AGBL3: variants seen among roughly 807,000 people sequenced by gnomAD.
AGBL3 encodes the protein cytosolic carboxypeptidase 3.
Under a neutral mutation model 94.5 loss-of-function variants are expected in AGBL3, and 68 were observed. The observed-to-expected ratio is 0.72, with a 90% CI of 0.59 to 0.88. The LOEUF is 0.88. Among genes scored for constraint, AGBL3 ranks in the 40% least tolerant of loss-of-function variants. The pLI, the probability that AGBL3 is intolerant of heterozygous loss-of-function variation, is 0.00. For missense variants in AGBL3, 934 were observed against 1,103.8 expected, an observed-to-expected ratio of 0.85 and a Z score of 2.18; for synonymous variants, 354 against 370.7, an observed-to-expected ratio of 0.95 and a Z score of 0.52.
intron 11 of AGBL3, among the ~76,000 whole-genome samples, chr7:135,056,902 G>C (rs928676652): frequency 1.3e-5 from 2 of 152,026 alleles, no homozygotes; most frequent in Admixed American, 1.3e-4. Context: ...ATTTGTGTGG[G>C]TATGTAAAAG....
intron 16 of AGBL3, among the ~76,000 whole-genome samples, chr7:135,120,323 T>C (rs1826964683): frequency 6.6e-6 from 1 of 152,212 alleles, no homozygotes; most frequent in Non-Finnish European, 1.5e-5. Context: ...CCACTATAAA[T>C]GTGAGAAGGT....
chr7:135,094,365 TGA>T (rs780210062), intron 15 of AGBL3: 18 of 456,702 alleles, frequency 3.9e-5, no homozygotes, highest in South Asian at 2.8e-4. Context: ...GAGTCACTGC[TGA>T]GATCTGCTTG....
At chr7:134,995,385 C>T (rs4442075) in intron 4 of AGBL3, 141,874 of 152,270 alleles carry the variant, frequency 0.93, 66,882 homozygotes, top group East Asian at 1. Context: ...ACACCTTTCT[C>T]TTCCTTAAAT....
At chr7:135,077,982 T>C (rs1247024637) in intron 13 of AGBL3, among the ~76,000 whole-genome samples, 2 of 152,116 alleles carry the variant, frequency 1.3e-5, no homozygotes, top group Non-Finnish European at 2.9e-5. Flanking sequence ...GGTGGAGCCC[T>C]CTCCTGCCCA....
intron 1 of AGBL3, 50 bp downstream of exon 1, chr7:134,986,751 G>A (rs111677203): frequency 8.5e-5 from 13 of 152,486 alleles, no homozygotes; most frequent in African/African-American, 3.1e-4. Flanking sequence ...AGCGCGCCCC[G>A]GAAAATGAGC....
At chr7:135,058,536 A>T (rs1818534225) in intron 11 of AGBL3, among the ~76,000 whole-genome samples, 1 of 152,162 alleles carries the variant, frequency 6.6e-6, no homozygotes, top group Non-Finnish European at 1.5e-5. Context: ...TATAGCATTT[A>T]TTCATTAACA....
At chr7:135,113,740 A>T (rs1424645378) in intron 15 of AGBL3, among the ~76,000 whole-genome samples, 2 of 152,218 alleles carry the variant, frequency 1.3e-5, no homozygotes, top group Non-Finnish European at 2.9e-5. Flanking sequence ...GTACAGTCGC[A>T]TTGTGGTGCA....
At chr7:135,040,886 C>CACAG (rs759597978) in intron 8 of AGBL3, among the ~76,000 whole-genome samples, 274 of 3,512 alleles carry the variant, frequency 0.078, 1 homozygote, top group Middle Eastern at 0.33. Flanking sequence ...ACACACACAC[C>CACAG]ACACACACAC....
At chr7:135,060,416 A>C (rs1818723912) in intron 12 of AGBL3, among the ~76,000 whole-genome samples, 1 of 152,168 alleles carries the variant, frequency 6.6e-6, no homozygotes, top group Non-Finnish European at 1.5e-5. Context: ...GAAAACACTT[A>C]AAATCTATTC....
chr7:135,093,463 C>T (rs1052210027), intron 15 of AGBL3: 6 of 151,990 alleles, frequency 3.9e-5, no homozygotes, highest in African/African-American at 1.2e-4. Context: ...TATACACTAG[C>T]AATGAACATT....
intron 16 of AGBL3, among the ~76,000 whole-genome samples, chr7:135,130,596 T>C (rs1828602520): frequency 6.6e-6 from 1 of 151,816 alleles, no homozygotes; most frequent in Admixed American, 6.6e-5. Context: ...GAAAGCTTAA[T>C]AATATATTAA....
chr7:134,990,860 CT>C (rs765299385), intron 3 of AGBL3, among the ~76,000 whole-genome samples: 1 of 152,092 alleles, frequency 6.6e-6, no homozygotes, highest in Non-Finnish European at 1.5e-5. Flanking sequence ...TGTTGATTGC[CT>C]TTTGCCCTGA....
chr7:135,096,584 C>CATACATAGATAG lies in AGBL3; in HGVS notation c.2110+14797_2110+14798insCATAGATAGATA, dbSNP rs1822811727. ...AGATAGATAGATAGATAGATAGATA[C>CATACATAGATAG]ATAGATAGATAGATAGATAGATAGA... On this transcript the variant is annotated intron_variant, in intron 15 of 16. Coordinates refer to ENST00000436302, the MANE Select transcript of AGBL3 (RefSeq NM_178563.4). Among the ~76,000 whole-genome samples the CATACATAGATAG allele has an allele frequency of 1.1e-4, 10 of 88,860 alleles. No individual in the cohort carries two copies. In the East Asian group the frequency reaches 2.2e-3, roughly 20 times the overall value. The allele number at this position is 88,860 out of a possible 152,430, so 58.3% of individuals were successfully genotyped here.
intron 4 of AGBL3, among the ~76,000 whole-genome samples, chr7:135,000,443 T>C (rs1811575616): frequency 6.6e-6 from 1 of 152,158 alleles, no homozygotes; most frequent in Non-Finnish European, 1.5e-5. Flanking sequence ...GTGAGAGCTC[T>C]CTTCTTGAAC....
chr7:135,006,229 T>A (rs535296217), intron 4 of AGBL3, among the ~76,000 whole-genome samples: 17 of 151,944 alleles, frequency 1.1e-4, no homozygotes, highest in Admixed American at 2.6e-4. Context: ...TTATTTTTTT[T>A]AAAAAAGCTT....
intron 16 of AGBL3, among the ~76,000 whole-genome samples, chr7:135,134,376 A>G (rs914938744): frequency 4.0e-5 from 6 of 151,138 alleles, no homozygotes; most frequent in Non-Finnish European, 8.9e-5. Context: ...TTAGTTTACA[A>G]AAGCTCCCCC....
intron 15 of AGBL3, among the ~76,000 whole-genome samples, chr7:135,099,465 T>G (rs1306420167): frequency 1.3e-5 from 2 of 152,168 alleles, no homozygotes; most frequent in African/African-American, 4.8e-5. Flanking sequence ...AGTTAAAAAT[T>G]AAGTTTTATT....
intron 7 of AGBL3, among the ~76,000 whole-genome samples, chr7:135,037,217 G>C (rs1314024178): frequency 6.6e-6 from 1 of 152,162 alleles, no homozygotes; most frequent in Non-Finnish European, 1.5e-5. Flanking sequence ...ACTGCGCTCG[G>C]CCTGCATTCA....
chr7:135,115,827 T>C (rs1826241620), intron 16 of AGBL3: 1 of 482,408 alleles, frequency 2.1e-6, no homozygotes, highest in Non-Finnish European at 3.7e-6. Context: ...ATTATTTGCA[T>C]GAAACTACTC....
Sources: gnomAD v4.1 joint callset for allele counts (sites outside exome capture counted in the v4.1 genomes callset) on GRCh38, gnomAD v4.1.1 for gene constraint, MANE v1.5 for transcripts, NCBI Gene and HGNC (gene_info 2026-07-23, HGNC 2026-07-21) for gene names.